ABCC4: variants seen among roughly 807,000 people sequenced by gnomAD.
ABCC4 encodes ATP binding cassette subfamily C member 4 (PEL blood group).
Under a neutral mutation model 168.5 loss-of-function variants are expected in ABCC4, and 102 were observed. The observed-to-expected ratio is 0.61, with a 90% confidence interval of 0.52 to 0.71. The LOEUF is 0.71. Ranked by LOEUF, ABCC4 falls within the 30% of genes least tolerant of loss-of-function variation. ABCC4 has a pLI of 0.00. For synonymous variants in ABCC4, 617 were observed against 590.7 expected (o/e 1.04, Z -0.65); for missense variants, 1,402 against 1,605.8 (o/e 0.87, Z 2.17).
At chr13:95,256,420 C>T (rs949380637) in intron 1 of ABCC4, among the ~76,000 whole-genome samples, 10 of 152,206 alleles carry the variant, frequency 6.6e-5, no homozygotes, top group African/African-American at 2.4e-4. Flanking sequence ...TTGCCAAGAT[C>T]CTTCTGAGCC....
At chr13:95,038,369 A>T (rs1472888902) in intron 29 of ABCC4, among the ~76,000 whole-genome samples, 6 of 100,852 alleles carry the variant, frequency 5.9e-5, no homozygotes, top group Admixed American at 1.1e-4. Context: ...TAGGAAGCCC[A>T]TACTCAAAAA....
At chr13:95,087,648 A>G (rs1158077514) in intron 20 of ABCC4, among the ~76,000 whole-genome samples, 1 of 152,232 alleles carries the variant, frequency 6.6e-6, no homozygotes, top group Non-Finnish European at 1.5e-5. Flanking sequence ...AATCATTATC[A>G]TTACCTTCAA....
chr13:95,086,680 T>C (rs565153530), intron 20 of ABCC4, among the ~76,000 whole-genome samples: 23 of 152,352 alleles, frequency 1.5e-4, no homozygotes, highest in Admixed American at 1.4e-3. Context: ...CGAACATGTT[T>C]TCTATAAACA....
intron 25 of ABCC4, among the ~76,000 whole-genome samples, chr13:95,063,355 G>A (rs1049534453): frequency 6.6e-6 from 1 of 152,276 alleles, no homozygotes; most frequent in Middle Eastern, 3.4e-3. Flanking sequence ...TCAAGACAGA[G>A]GTGTCAGAAG....
At chr13:95,086,087 T>TTGTGTGTGTGTGTGTGTGTGTGTGTGTG (rs55973195) in intron 20 of ABCC4, among the ~76,000 whole-genome samples, 3 of 141,988 alleles carry the variant, frequency 2.1e-5, no homozygotes, top group African/African-American at 7.8e-5. Context: ...TTTAAGGTTA[T>TTGTGTGTGTGTGTGTGTGTGTGTGTGTG]TGTGTGTGTG....
intron 29 of ABCC4, among the ~76,000 whole-genome samples, chr13:95,036,701 A>G (rs992660587): frequency 1.3e-5 from 2 of 152,164 alleles, no homozygotes; most frequent in Admixed American, 6.5e-5. Context: ...ATAATTTACT[A>G]GAACTTAAAA....
At position 95,041,106 on chromosome 13, in the gene ABCC4, T is replaced by C. The variant is rs530582052; in HGVS notation, c.3735+2576A>G. 9.8e-5 allele frequency among the ~76,000 whole-genome samples: 15 copies of C among 152,334 alleles called. No individual in the cohort carries two copies. In the East Asian group the frequency reaches 2.9e-3, roughly 29 times the overall value. ...GAGGAAGCTGTCTTTAATGTGGAGATAGTGGTGCGTATTAGAAAAAAGAGG... is the reference window on the plus strand; with the variant it reads ...GAGGAAGCTGTCTTTAATGTGGAGACAGTGGTGCGTATTAGAAAAAAGAGG... On this transcript the variant is annotated intron_variant, in intron 29 of 30. Transcript: ENST00000645237.
chr13:95,103,538 T>C (rs1056277675), intron 20 of ABCC4, among the ~76,000 whole-genome samples: 1 of 152,178 alleles, frequency 6.6e-6, no homozygotes, highest in African/African-American at 2.4e-5. Flanking sequence ...TAACTGGCCT[T>C]CTACTGGGAC....
At chr13:95,184,520 C>T (rs962991944) in intron 11 of ABCC4, among the ~76,000 whole-genome samples, 2 of 152,164 alleles carry the variant, frequency 1.3e-5, no homozygotes, top group African/African-American at 4.8e-5. Context: ...GTCATTTTAT[C>T]TCTCCAACCC....
At chr13:95,171,720 G>C (rs1007511093) in intron 13 of ABCC4, among the ~76,000 whole-genome samples, 2 of 152,180 alleles carry the variant, frequency 1.3e-5, no homozygotes, top group African/African-American at 4.8e-5. Context: ...GAAGTCATAA[G>C]CAAGTATTTT....
At chr13:95,215,769 T>C (rs1410453433) in intron 4 of ABCC4, among the ~76,000 whole-genome samples, 1 of 152,174 alleles carries the variant, frequency 6.6e-6, no homozygotes, top group Non-Finnish European at 1.5e-5. Flanking sequence ...ATAAGGGAAA[T>C]CTGAAATATT....
intron 19 of ABCC4, among the ~76,000 whole-genome samples, chr13:95,131,976 G>T (rs377377581): frequency 6.6e-6 from 1 of 152,052 alleles, no homozygotes; most frequent in African/African-American, 2.4e-5. Context: ...GAGACTACGG[G>T]GGTCTAAAAG....
intron 3 of ABCC4, among the ~76,000 whole-genome samples, chr13:95,244,257 T>G (rs2040024800): frequency 6.6e-6 from 1 of 151,994 alleles, no homozygotes; most frequent in African/African-American, 2.4e-5. Flanking sequence ...GCACATTATA[T>G]AACTACATGG....
chr13:95,073,147 T>C, intron 24 of ABCC4, 57 bp downstream of exon 24: 4 of 1,398,790 alleles, frequency 2.9e-6, no homozygotes, highest in Non-Finnish European at 4.0e-6. Flanking sequence ...GAATGGCTTT[T>C]ATACCATTTA....
At position 95,234,834 on chromosome 13, in the gene ABCC4, C is replaced by A; in HGVS notation, c.307G>T (p.Glu103Ter). ...ATGGGCTGGATTACTTTGGCACTTTCCTAAAAGAAGAAAAAGAAAAGCCTT... is the reference window on the plus strand; with the variant it reads ...ATGGGCTGGATTACTTTGGCACTTTACTAAAAGAAGAAAAAGAAAAGCCTT... ...LVLGIFTLIE[E>*]SAKVIQPIFL... The change falls in exon 4 of 31, where the codon GAA (glutamate) becomes TAA (stop). Residue 103 changes from glutamate to a stop codon, truncating the protein, a stop_gained and splice_region_variant. Coordinates refer to ENST00000645237, the MANE Select transcript of ABCC4 (RefSeq NM_005845.5). LOFTEE classifies it high-confidence loss of function. The A allele has an allele frequency of 6.5e-7, 1 of 1,532,624 alleles. No individual in the cohort carries two copies. The highest frequency in any genetic ancestry group is 2.1e-5 in the Admixed American group (1 of 47,112). 94.9% of individuals were successfully genotyped at this position (1,532,624 alleles called of 1,614,324 possible). A position where few individuals can be genotyped will look rare whatever the true frequency, so the allele number is the denominator to read the frequency against.
rs368710376 is a variant in ABCC4 at position 95,074,295 on chromosome 13, G to A, written c.2836C>T (p.Arg946Cys). The A allele has an allele frequency of 1.1e-5, 17 of 1,613,452 alleles. No individual in the cohort carries two copies. The highest frequency in any genetic ancestry group is 6.7e-5 in the Admixed American group (4 of 59,922). ...GCATCCAGACGGACGGCAAACCAGC[G>A]GGACGTTGTCAAAAACAAGAACCAA... is the stretch of plus-strand genomic sequence containing the variant. ...EAWFLFLTTS[R>C]WFAVRLDAIC... The change falls in exon 23 of 31, where the codon CGC (arginine) becomes TGC (cysteine). Residue 946 changes from arginine (R) to cysteine (C), a missense_variant. This residue lies in a region of ABCC4 where 1,007 missense variants were observed against 1,127.3 expected (regional missense o/e 0.89). Transcript: ENST00000645237.
At chr13:95,112,329 G>A (rs573897570) in intron 20 of ABCC4, among the ~76,000 whole-genome samples, 1 of 149,440 alleles carries the variant, frequency 6.7e-6, no homozygotes, top group Non-Finnish European at 1.5e-5. Flanking sequence ...CTCCAGCCTG[G>A]GTAACAGAGT....
chr13:95,125,674 T>C (rs1252157449), intron 19 of ABCC4, among the ~76,000 whole-genome samples: 1 of 152,208 alleles, frequency 6.6e-6, no homozygotes, highest in East Asian at 1.9e-4. Context: ...GAATCACTCA[T>C]TGCCAGGAAG....
At chr13:95,139,560 T>G (rs1412813778) in intron 19 of ABCC4, among the ~76,000 whole-genome samples, 1 of 152,140 alleles carries the variant, frequency 6.6e-6, no homozygotes, top group African/African-American at 2.4e-5. Context: ...GGGCCGTGAG[T>G]GCTCAGAAAT....
Sources: gnomAD v4.1 joint callset for allele counts (sites outside exome capture counted in the v4.1 genomes callset) on GRCh38, gnomAD v4.1.1 for gene constraint, gnomAD v4.1.1 regional missense constraint, MANE v1.5 for transcripts, NCBI Gene and HGNC (gene_info 2026-07-23, HGNC 2026-07-21) for gene names.